Variants in ADK observed in about 807,000 individuals in gnomAD.
ADK encodes adenosine kinase, also known as N6,N6-dimethyladenosine kinase.
ADK carries 24 observed loss-of-function variants against 44.7 expected under a neutral mutation model. The observed-to-expected ratio is 0.54, with a 90% confidence interval of 0.39 to 0.76. ADK has a LOEUF of 0.76. Ranked by LOEUF, ADK falls within the 30% of genes least tolerant of loss-of-function variation. ADK has a pLI of 0.00. For missense variants in ADK, 321 were observed against 425.1 expected (o/e 0.76, Z 2.15); for synonymous variants, 128 against 142.6 (o/e 0.90, Z 0.73).
At chr10:74,532,588 C>T (rs1849326088) in intron 7 of ADK, among the ~76,000 whole-genome samples, 1 of 151,768 alleles carries the variant, frequency 6.6e-6, no homozygotes, top group South Asian at 2.1e-4. Context: ...CATACAAAAT[C>T]TGATGTCATC....
chr10:74,213,094 G>C (rs1172825861), intron 2 of ADK, among the ~76,000 whole-genome samples: 1 of 152,136 alleles, frequency 6.6e-6, no homozygotes, highest in Non-Finnish European at 1.5e-5. Context: ...TTGGTGGGTA[G>C]AAGAGTCATG....
At chr10:74,469,956 G>A (rs1564739653) in intron 6 of ADK, among the ~76,000 whole-genome samples, 1 of 151,044 alleles carries the variant, frequency 6.6e-6, no homozygotes, top group Non-Finnish European at 1.5e-5. Flanking sequence ...CCATCTTGTA[G>A]CATATGACAG....
At chr10:74,153,383 A>G (rs1378677347) in intron 1 of ADK, among the ~76,000 whole-genome samples, 1 of 152,234 alleles carries the variant, frequency 6.6e-6, no homozygotes, top group African/African-American at 2.4e-5. Flanking sequence ...ACAAAGAATT[A>G]TCTGGCCAAA....
intron 2 of ADK, among the ~76,000 whole-genome samples, chr10:74,219,141 A>G (rs887770506): frequency 2.7e-4 from 41 of 152,276 alleles, no homozygotes; most frequent in African/African-American, 9.9e-4. Context: ...ATGCAGAGAC[A>G]CACATAGGCT....
At chr10:74,329,645 C>T (rs1375407795) in intron 4 of ADK, among the ~76,000 whole-genome samples, 1 of 152,020 alleles carries the variant, frequency 6.6e-6, no homozygotes, top group East Asian at 1.9e-4. Context: ...GGTTTTAGAA[C>T]GAGTAGCTGG....
intron 6 of ADK, among the ~76,000 whole-genome samples, chr10:74,438,572 G>A (rs1440893076): frequency 1.3e-5 from 2 of 152,020 alleles, no homozygotes; most frequent in African/African-American, 4.8e-5. Context: ...AACCAGCATA[G>A]TGCCTGGTAT....
At chr10:74,257,349 A>G (rs1845864139) in intron 3 of ADK, among the ~76,000 whole-genome samples, 1 of 152,192 alleles carries the variant, frequency 6.6e-6, no homozygotes, top group South Asian at 2.1e-4. Flanking sequence ...TGCGCAGTTC[A>G]AACCCACTTC....
At chr10:74,604,473 T>C (rs984341783) in intron 9 of ADK, among the ~76,000 whole-genome samples, 28 of 152,220 alleles carry the variant, frequency 1.8e-4, no homozygotes, top group Admixed American at 8.5e-4. Flanking sequence ...TCTATATGGC[T>C]AGTCAGTTTT....
At chr10:74,342,395 T>C (rs1841609441) in intron 4 of ADK, among the ~76,000 whole-genome samples, 1 of 152,212 alleles carries the variant, frequency 6.6e-6, no homozygotes, top group African/African-American at 2.4e-5. Context: ...TTTGATGCTA[T>C]TGTAAGTGGA....
At chr10:74,452,840 T>A (rs1845821332) in intron 6 of ADK, among the ~76,000 whole-genome samples, 1 of 152,034 alleles carries the variant, frequency 6.6e-6, no homozygotes, top group African/African-American at 2.4e-5. Context: ...TAACACTTTT[T>A]AAATGTTACT....
chr10:74,478,199 AT>A (rs1246011508), intron 6 of ADK, among the ~76,000 whole-genome samples: 1 of 152,184 alleles, frequency 6.6e-6, no homozygotes, highest in African/African-American at 2.4e-5. Context: ...ATTAGCCACT[AT>A]ACCCAGCCTA....
intron 9 of ADK, among the ~76,000 whole-genome samples, chr10:74,631,979 T>G (rs1423026263): frequency 6.6e-6 from 1 of 152,148 alleles, no homozygotes; most frequent in African/African-American, 2.4e-5. Context: ...TCAGATATAA[T>G]TCACACACCA....
intron 7 of ADK, among the ~76,000 whole-genome samples, chr10:74,585,029 G>A (rs1285552924): frequency 6.6e-6 from 1 of 152,154 alleles, no homozygotes; most frequent in Non-Finnish European, 1.5e-5. Flanking sequence ...ACGCAAACAT[G>A]CACTTGAGTT....
At chr10:74,164,396 C>T (rs1841980791) in intron 1 of ADK, among the ~76,000 whole-genome samples, 1 of 151,808 alleles carries the variant, frequency 6.6e-6, no homozygotes, top group African/African-American at 2.4e-5. Flanking sequence ...ATTAGCTGGG[C>T]ATGGTGGTGG....
At chr10:74,290,293 T>A (rs1187660589) in intron 3 of ADK, among the ~76,000 whole-genome samples, 1 of 152,174 alleles carries the variant, frequency 6.6e-6, no homozygotes, top group Non-Finnish European at 1.5e-5. Flanking sequence ...TTGGGTTAGT[T>A]TTTCTTATTG....
intron 10 of ADK, among the ~76,000 whole-genome samples, chr10:74,693,841 A>T (rs546308187): frequency 1.3e-5 from 2 of 152,350 alleles, no homozygotes; most frequent in South Asian, 4.1e-4. Context: ...TATTCTACTT[A>T]TACTGATACT....
intron 10 of ADK, among the ~76,000 whole-genome samples, chr10:74,689,183 A>G (rs2134258891): frequency 6.6e-6 from 1 of 152,042 alleles, no homozygotes; most frequent in South Asian, 2.1e-4. Flanking sequence ...TGGGAGGTGG[A>G]GCTTGCAGTG....
At chr10:74,475,922 C>CTA (rs1846819577) in intron 6 of ADK, among the ~76,000 whole-genome samples, 1 of 152,146 alleles carries the variant, frequency 6.6e-6, no homozygotes, top group Non-Finnish European at 1.5e-5. Context: ...CTTCTAGGTT[C>CTA]TCTCAGCAGA....
intron 6 of ADK, among the ~76,000 whole-genome samples, chr10:74,484,899 G>A (rs942932447): frequency 6.6e-6 from 1 of 152,026 alleles, no homozygotes; most frequent in Non-Finnish European, 1.5e-5. Context: ...AATTTCAGGT[G>A]AATTATAGAT....
Sources: gnomAD v4.1 joint callset for allele counts (sites outside exome capture counted in the v4.1 genomes callset) on GRCh38, gnomAD v4.1.1 for gene constraint, MANE v1.5 for transcripts, NCBI Gene and HGNC (gene_info 2026-07-23, HGNC 2026-07-21) for gene names.